The following GPHN variants were observed in gnomAD, a reference collection of about 807,000 sequenced individuals.
GPHN encodes gephyrin.
A neutral mutation model predicts 95.5 loss-of-function variants in GPHN; 17 were observed. The ratio of observed to expected loss-of-function variants is 0.18; its 90% CI spans 0.12 to 0.27. The LOEUF (loss-of-function observed/expected upper bound fraction) is 0.27, where lower values mean the gene tolerates loss of function less well. Ranked by LOEUF, GPHN falls within the 10% of genes least tolerant of loss-of-function variation. GPHN has a pLI of 1.00. For synonymous variants in GPHN, 320 were observed against 322.5 expected (o/e 0.99, Z 0.08); for missense variants, 660 against 978.1 (o/e 0.67, Z 4.34).
intron 9 of GPHN, among the ~76,000 whole-genome samples, chr14:66,972,267 C>CAAA (rs892888405): frequency 2.2e-5 from 1 of 46,292 alleles, no homozygotes; most frequent in Non-Finnish European, 4.7e-5. Context: ...GAGTCTGTCT[C>CAAA]AAAAAAAAAA....
chr14:67,583,701 G>C, the GPHN span: 1 of 1,564,704 alleles, frequency 6.4e-7, no homozygotes, highest in Non-Finnish European at 8.7e-7. Flanking sequence ...CCCATCCACT[G>C]TCAGATTTTG....
At chr14:66,840,550 C>G (rs1335866183) in intron 4 of GPHN, among the ~76,000 whole-genome samples, 2 of 152,026 alleles carry the variant, frequency 1.3e-5, no homozygotes, top group African/African-American at 4.8e-5. Flanking sequence ...CTCTGCCAGA[C>G]CGGTAGCACA....
intron 1 of GPHN, among the ~76,000 whole-genome samples, chr14:66,607,494 A>G (rs1254863699): frequency 2.0e-5 from 3 of 151,578 alleles, no homozygotes; most frequent in South Asian, 4.2e-4. Flanking sequence ...TGGTATCAGG[A>G]TAATTCTGGC....
chr14:67,543,630 A>G, the GPHN span, among the ~76,000 whole-genome samples: 1 of 152,124 alleles, frequency 6.6e-6, no homozygotes, highest in Non-Finnish European at 1.5e-5. Context: ...TCTGTACACT[A>G]TGAAGTTTGA....
At chr14:66,751,137 T>C (rs191266923) in intron 2 of GPHN, among the ~76,000 whole-genome samples, 2 of 152,178 alleles carry the variant, frequency 1.3e-5, no homozygotes, top group East Asian at 1.9e-4. Context: ...CTCTTGTGAA[T>C]GGTGCTGCAG....
chr14:66,906,396 A>T (rs931938337), intron 5 of GPHN, among the ~76,000 whole-genome samples: 4 of 152,196 alleles, frequency 2.6e-5, no homozygotes, highest in Non-Finnish European at 5.9e-5. Context: ...AATGATGGAA[A>T]GCTGGCTGTT....
At chr14:66,935,746 A>C (rs2067097250) in intron 8 of GPHN, among the ~76,000 whole-genome samples, 1 of 151,852 alleles carries the variant, frequency 6.6e-6, no homozygotes, top group Admixed American at 6.6e-5. Flanking sequence ...TTATGTATAC[A>C]TATATATTAA....
chr14:67,482,538 CA>C, the GPHN span, among the ~76,000 whole-genome samples: 1 of 152,212 alleles, frequency 6.6e-6, no homozygotes, highest in Non-Finnish European at 1.5e-5. Flanking sequence ...CCACCCCCAT[CA>C]CTACAGTTCC....
At chr14:67,674,394 C>A in the GPHN span, 1 of 1,602,384 alleles carries the variant, frequency 6.2e-7, no homozygotes, top group Non-Finnish European at 8.5e-7. Flanking sequence ...CCGTCCCCAG[C>A]AGCCGCTCGG....
At chr14:67,173,082 G>A (rs1423201919) in intron 21 of GPHN, among the ~76,000 whole-genome samples, 1 of 152,106 alleles carries the variant, frequency 6.6e-6, no homozygotes, top group Admixed American at 6.5e-5. Context: ...AGCTGCTAAG[G>A]GGTACCCAAA....
the GPHN span, chr14:67,279,090 A>C: frequency 7.6e-7 from 1 of 1,320,190 alleles, no homozygotes; most frequent in Non-Finnish European, 1.0e-6. Flanking sequence ...AGTAACATGG[A>C]TTTTATACTA....
At chr14:67,550,158 T>TAA in the GPHN span, among the ~76,000 whole-genome samples, 51 of 145,254 alleles carry the variant, frequency 3.5e-4, 1 homozygote, top group South Asian at 8.7e-4. Context: ...GATCTGTTGC[T>TAA]AAAAAAAAAA....
the GPHN span, chr14:67,338,492 T>A: frequency 1.0e-6 from 1 of 987,860 alleles, no homozygotes; most frequent in Non-Finnish European, 1.5e-6. Context: ...TAAATAGACA[T>A]CTAGGTAAAT....
intron 2 of GPHN, among the ~76,000 whole-genome samples, chr14:66,713,792 G>A (rs1008244860): frequency 7.9e-5 from 12 of 151,632 alleles, no homozygotes; most frequent in Admixed American, 2.0e-4. Context: ...TTTTTGAGAC[G>A]GAGTCTCTCT....
the GPHN span, among the ~76,000 whole-genome samples, chr14:67,492,578 G>A: frequency 6.6e-6 from 1 of 152,178 alleles, no homozygotes; most frequent in Non-Finnish European, 1.5e-5. Context: ...AAGTGATGGG[G>A]ACCCTGCCCC....
At chr14:66,534,508 G>C (rs986941589) in intron 1 of GPHN, among the ~76,000 whole-genome samples, 3 of 152,012 alleles carry the variant, frequency 2.0e-5, no homozygotes, top group Admixed American at 1.3e-4. Context: ...TCTGTTAATG[G>C]ACATTTGAAT....
chr14:67,338,883 T>A, the GPHN span: 1 of 760,782 alleles, frequency 1.3e-6, no homozygotes, highest in Non-Finnish European at 2.0e-6. Flanking sequence ...CTGGTACTTT[T>A]ATTAATTTCA....
the GPHN span, among the ~76,000 whole-genome samples, chr14:67,233,687 G>A: frequency 6.6e-6 from 1 of 152,222 alleles, no homozygotes. Context: ...TGATGGCCTG[G>A]AGGAGGGTGG....
At chr14:67,070,715 A>AAAAAAAAATATATATATAT in intron 11 of GPHN, among the ~76,000 whole-genome samples, 2 of 80,704 alleles carry the variant, frequency 2.5e-5, no homozygotes, top group African/African-American at 1.3e-4. Context: ...AAAAAAAAAA[A>AAAAAAAAATATATATATAT]ATATATATAT....
Sources: allele counts gnomAD v4.1 joint callset (sites outside exome capture counted in the v4.1 genomes callset), GRCh38; gene constraint gnomAD v4.1.1; transcripts MANE v1.5; gene names NCBI Gene and HGNC (gene_info 2026-07-23, HGNC 2026-07-21).